The following BAIAP2 variants were observed in gnomAD, a reference collection of about 807,000 sequenced individuals.
BAIAP2 encodes BAR/IMD domain containing adaptor protein 2, also known as BAR/IMD domain-containing adapter protein 2.
BAIAP2 carries 18 observed loss-of-function variants against 63.0 expected under a neutral mutation model. The ratio of observed to expected loss-of-function variants is 0.29; its 90% CI spans 0.20 to 0.42. The LOEUF (loss-of-function observed/expected upper bound fraction) is 0.42. Among genes scored for constraint, BAIAP2 ranks in the 10% least tolerant of loss-of-function variants. BAIAP2 has a pLI of 1.00. For synonymous variants in BAIAP2, 386 were observed against 307.6 expected (o/e 1.25, Z -2.67); for missense variants, 610 against 734.3 (o/e 0.83, Z 1.96).
At chr17:81,112,217 G>C (rs1350701960) in intron 13 of BAIAP2, among the ~76,000 whole-genome samples, 6 of 152,218 alleles carry the variant, frequency 3.9e-5, no homozygotes, top group African/African-American at 1.4e-4. Flanking sequence ...ACCTGGTGAG[G>C]CTTGGAAGGG....
chr17:81,042,137 T>A (rs1471102035), intron 1 of BAIAP2, among the ~76,000 whole-genome samples: 3 of 91,408 alleles, frequency 3.3e-5, no homozygotes, highest in Non-Finnish European at 6.3e-5. Flanking sequence ...TTTCTTTTCT[T>A]TTTTCTTTTT....
intron 3 of BAIAP2, among the ~76,000 whole-genome samples, chr17:81,077,557 C>T (rs1337263724): frequency 1.8e-5 from 1 of 56,912 alleles, no homozygotes; most frequent in African/African-American, 7.9e-5. Context: ...GACAGAGACT[C>T]TGTCTCAAAA....
At chr17:81,092,381 G>C (rs1269466061) in intron 6 of BAIAP2, among the ~76,000 whole-genome samples, 2 of 152,238 alleles carry the variant, frequency 1.3e-5, no homozygotes, top group African/African-American at 4.8e-5. Context: ...AGCTGAAACA[G>C]GGACACACCA....
intron 3 of BAIAP2, among the ~76,000 whole-genome samples, chr17:81,059,309 C>T (rs903395463): frequency 2.0e-5 from 3 of 152,202 alleles, no homozygotes; most frequent in South Asian, 2.1e-4. Context: ...TGGAGGATGA[C>T]GTGTGAGATG....
rs115159851 is a variant in BAIAP2, at chr17:81,071,601, C to T, written c.218-13231C>T. On this transcript the variant is annotated intron_variant, in intron 3 of 13. Coordinates refer to ENST00000428708, the MANE Select transcript of BAIAP2 (RefSeq NM_001144888.2). ...GGAAGCAACAGAAATATCCAGGAAA[C>T]GAGTGTTTCTGTGCCCTCAGTGTCC... Among the ~76,000 whole-genome samples the T allele has an allele frequency of 2.5e-3, 383 of 152,342 alleles. 1 individual carries two copies. The highest frequency in any genetic ancestry group is 8.0e-3 in the African/African-American group (334 of 41,578).
At chr17:81,051,119 T>G (rs2048613413) in intron 1 of BAIAP2, among the ~76,000 whole-genome samples, 1 of 150,988 alleles carries the variant, frequency 6.6e-6, no homozygotes, top group African/African-American at 2.4e-5. Context: ...GGAGTTAAAG[T>G]GTCCAGGCTC....
Position 81,046,261 on chromosome 17 carries a change from C to A in BAIAP2, c.55-7407C>A, listed in dbSNP as rs1041650614. Among the ~76,000 whole-genome samples, 1 of 152,164 alleles carries A rather than the reference C, an allele frequency of 6.6e-6. No homozygotes were observed. Among genetic ancestry groups the A allele is most frequent in the Non-Finnish European group, 1.5e-5 (1 of 68,020 alleles). Reference sequence around the variant, plus strand: ...TTTCCTCCCAGAAACTTCCATGCATCCCCTCGTTTCCTAAATCCGTGTACA... The same window carrying A: ...TTTCCTCCCAGAAACTTCCATGCATACCCTCGTTTCCTAAATCCGTGTACA... On this transcript the variant is annotated intron_variant, in intron 1 of 13. Transcript: ENST00000428708. The surrounding 1 kb of genome is among the most constrained non-coding windows in gnomAD (Gnocchi z 4.5).
At chr17:81,039,294 C>G (rs1685973421) in intron 1 of BAIAP2, among the ~76,000 whole-genome samples, 1 of 152,232 alleles carries the variant, frequency 6.6e-6, no homozygotes, top group Admixed American at 6.5e-5. Context: ...GCCCCAGGCA[C>G]TGTCCTGCCG....
chr17:81,110,313 G>A (rs554058811), intron 13 of BAIAP2: 18 of 986,274 alleles, frequency 1.8e-5, no homozygotes, highest in East Asian at 1.1e-4. Flanking sequence ...CTTCCGCGCC[G>A]GCGTTCCCGC....
intron 13 of BAIAP2, chr17:81,109,029 A>G: frequency 6.5e-7 from 1 of 1,540,312 alleles, no homozygotes; most frequent in Non-Finnish European, 8.8e-7. Flanking sequence ...CGCTGCTCTG[A>G]AGAGCTTCCG....
intron 9 of BAIAP2, 96 bp from the exon 10 acceptor site, chr17:81,104,418 C>T: frequency 7.4e-7 from 1 of 1,350,734 alleles, no homozygotes; most frequent in Non-Finnish European, 1.0e-6. Flanking sequence ...ACCTGGGGCA[C>T]AGGCGGCTGT....
chr17:81,079,480 C>T lies in BAIAP2; in HGVS notation c.218-5352C>T, dbSNP rs925808254. 8.5e-5 allele frequency among the ~76,000 whole-genome samples: 13 copies of T among 152,082 alleles called. No homozygotes were observed. In the East Asian group the frequency reaches 1.2e-3, roughly 14 times the overall value. ...AGGATGACTGTGTAGACACATCACCCGTGACACCCATGTGTGCCCCCTTTC... is the reference window on the plus strand; with the variant it reads ...AGGATGACTGTGTAGACACATCACCTGTGACACCCATGTGTGCCCCCTTTC... On this transcript the variant is annotated intron_variant, in intron 3 of 13. Transcript: ENST00000428708.
chr17:81,082,476 A>G (rs534480252), intron 3 of BAIAP2, among the ~76,000 whole-genome samples: 2 of 152,198 alleles, frequency 1.3e-5, no homozygotes, highest in Non-Finnish European at 2.9e-5. Flanking sequence ...AAGGGAAGCC[A>G]AGCCCGGGGC....
At chr17:81,113,198 C>T (rs1260403874) in intron 13 of BAIAP2, among the ~76,000 whole-genome samples, 1 of 152,250 alleles carries the variant, frequency 6.6e-6, no homozygotes, top group Non-Finnish European at 1.5e-5. Flanking sequence ...CGCCCAACAG[C>T]TCCCCCACAC....
At chr17:81,072,631 C>G (rs1430015759) in intron 3 of BAIAP2, among the ~76,000 whole-genome samples, 1 of 152,206 alleles carries the variant, frequency 6.6e-6, no homozygotes, top group Non-Finnish European at 1.5e-5. Context: ...TGACCCAAGT[C>G]CGTGGGGTCT....
At chr17:81,073,344 G>T (rs559001383) in intron 3 of BAIAP2, among the ~76,000 whole-genome samples, 2 of 152,320 alleles carry the variant, frequency 1.3e-5, no homozygotes, top group Non-Finnish European at 2.9e-5. Flanking sequence ...TACCAGGCCG[G>T]GGTGGGGAGG....
At chr17:81,083,850 G>A (rs991499798) in intron 3 of BAIAP2, 21 of 152,328 alleles carry the variant, frequency 1.4e-4, no homozygotes, top group African/African-American at 5.1e-4. Flanking sequence ...GTGCTCCTGT[G>A]TCTTCGAGGC....
chr17:81,036,744 A>G (rs4969239), intron 1 of BAIAP2: 101,881 of 862,248 alleles, frequency 0.12, 8,173 homozygotes, highest in East Asian at 0.34. Context: ...GTTTGGTTTC[A>G]CAGAGTCTGT....
chr17:81,103,943 G>A lies in BAIAP2; in HGVS notation c.901G>A (p.Gly301Ser). The A allele has an allele frequency of 2.5e-6, 4 of 1,613,014 alleles. No individual in the cohort carries two copies. The highest frequency in any genetic ancestry group is 2.5e-6 in the Non-Finnish European group (3 of 1,180,012). Residue 301 changes from glycine (G) to serine (S), a missense_variant, in exon 9 of 14, where the codon GGC becomes AGC. Around this residue, in one of 5 missense-constraint regions of BAIAP2, gnomAD observed 389 missense variants for 455.6 expected, o/e 0.85. Coordinates refer to ENST00000428708, the MANE Select transcript of BAIAP2 (RefSeq NM_001144888.2). ...CCAGGAGAGCACACCCATCATGAAC[G>A]GCGTCACAGGCCCGGATGGCGAGGA... ...SAQESTPIMNGVTGPDGEDYS... is the reference protein window; with the variant it reads ...SAQESTPIMNSVTGPDGEDYS...
Sources: allele counts gnomAD v4.1 joint callset (sites outside exome capture counted in the v4.1 genomes callset), GRCh38; gene constraint gnomAD v4.1.1; regional missense constraint gnomAD v4.1.1; non-coding constraint Gnocchi (gnomAD v3.1); transcripts MANE v1.5; gene names NCBI Gene and HGNC (gene_info 2026-07-23, HGNC 2026-07-21).